The following PLD5 variants were observed in gnomAD, a reference collection of about 807,000 sequenced individuals.
PLD5 encodes phospholipase D family member 5.
Under a neutral mutation model 61.1 loss-of-function variants are expected in PLD5, and 36 were observed. The observed-to-expected ratio is 0.59, with a 90% CI of 0.45 to 0.78. The LOEUF (loss-of-function observed/expected upper bound fraction) is 0.78, where lower values mean the gene tolerates loss of function less well. PLD5 is among the 30% of genes least tolerant of loss of function. The pLI is 0.00. For missense variants in PLD5, 515 were observed against 644.4 expected (o/e 0.80, Z 2.17); for synonymous variants, 243 against 242.8 (o/e 1.00, Z -0.01).
chr1:242,320,290 A>ATC (rs1658304960), intron 2 of PLD5, among the ~76,000 whole-genome samples: 2 of 152,248 alleles, frequency 1.3e-5, no homozygotes, highest in South Asian at 2.1e-4. Flanking sequence ...TAGCTCAAAT[A>ATC]TCTACTTGTA....
At chr1:242,279,368 C>T (rs1167273772) in intron 3 of PLD5, among the ~76,000 whole-genome samples, 2 of 152,094 alleles carry the variant, frequency 1.3e-5, no homozygotes, top group African/African-American at 4.8e-5. Flanking sequence ...AGTATTGAAG[C>T]CTGGGCCCCT....
intron 1 of PLD5, among the ~76,000 whole-genome samples, chr1:242,521,133 C>G (rs917546039): frequency 6.6e-6 from 1 of 152,222 alleles, no homozygotes; most frequent in African/African-American, 2.4e-5. Flanking sequence ...CAAAACACGA[C>G]TTCCTCGCAG....
At chr1:242,376,771 G>A (rs111742899) in intron 1 of PLD5, among the ~76,000 whole-genome samples, 8,095 of 152,170 alleles carry the variant, frequency 0.053, 260 homozygotes, top group Admixed American at 0.095. Context: ...GGATATATAC[G>A]ACGAGGTGAA....
chr1:242,243,806 C>A (rs1672202682), intron 4 of PLD5, among the ~76,000 whole-genome samples: 1 of 152,170 alleles, frequency 6.6e-6, no homozygotes, highest in Non-Finnish European at 1.5e-5. Flanking sequence ...AGTGATTTAA[C>A]ACTATTCTGC....
chr1:242,493,116 G>A (rs1290686918), intron 1 of PLD5, among the ~76,000 whole-genome samples: 1 of 152,104 alleles, frequency 6.6e-6, no homozygotes, highest in Admixed American at 6.5e-5. Flanking sequence ...TACTCTAATA[G>A]TTTAGGATAT....
intron 4 of PLD5, among the ~76,000 whole-genome samples, chr1:242,242,004 T>C (rs370620661): frequency 5.3e-5 from 7 of 132,852 alleles, no homozygotes; most frequent in East Asian, 4.4e-4. Flanking sequence ...TATATATATA[T>C]ATATATAGAC....
chr1:242,323,263 G>A (rs929809769), intron 2 of PLD5, among the ~76,000 whole-genome samples: 2 of 152,132 alleles, frequency 1.3e-5, no homozygotes, highest in Non-Finnish European at 2.9e-5. Context: ...TATGAGCTTT[G>A]TGATTAATGG....
chr1:242,347,681 C>T (rs913069289), intron 2 of PLD5, among the ~76,000 whole-genome samples: 1 of 152,222 alleles, frequency 6.6e-6, no homozygotes, highest in African/African-American at 2.4e-5. Context: ...CATCGACACA[C>T]TTACTTCTTC....
chr1:242,376,820 G>A, intron 1 of PLD5: 1 of 1,210,698 alleles, frequency 8.3e-7, no homozygotes, highest in Non-Finnish European at 1.1e-6. Flanking sequence ...CAACAGCCTA[G>A]ACAGTACTGT....
chr1:242,216,005 C>T (rs1396289976), intron 5 of PLD5, among the ~76,000 whole-genome samples: 1 of 152,226 alleles, frequency 6.6e-6, no homozygotes, highest in Non-Finnish European at 1.5e-5. Flanking sequence ...CCGCTTCTAA[C>T]AACATGACTG....
chr1:242,198,701 C>CAAAAAAA (rs10603005), intron 5 of PLD5, among the ~76,000 whole-genome samples: 24 of 51,498 alleles, frequency 4.7e-4, no homozygotes, highest in Non-Finnish European at 6.8e-4. Flanking sequence ...AAGTCCTTAG[C>CAAAAAAA]AAAAAAAAAA....
At chr1:242,412,209 T>C (rs1407417752) in intron 1 of PLD5, among the ~76,000 whole-genome samples, 2 of 152,156 alleles carry the variant, frequency 1.3e-5, no homozygotes, top group Non-Finnish European at 2.9e-5. Flanking sequence ...GAAAGCCTTG[T>C]GGTGGTTAGT....
chr1:242,370,724 C>T (rs1661588642), intron 1 of PLD5, among the ~76,000 whole-genome samples: 2 of 152,132 alleles, frequency 1.3e-5, no homozygotes, highest in South Asian at 4.1e-4. Flanking sequence ...TAGGAAGAGT[C>T]AATACTTAAC....
At chr1:242,192,569 A>C (rs990870860) in intron 5 of PLD5, among the ~76,000 whole-genome samples, 2 of 152,148 alleles carry the variant, frequency 1.3e-5, no homozygotes, top group Non-Finnish European at 2.9e-5. Flanking sequence ...GGGAAAAAAA[A>C]CATTTTCCTC....
rs12077423 is a variant in PLD5, at chr1:242,352,155, G to A, written c.190-3913C>T. ...CTATGCAACAGATCTCAAAAAAGAA[G>A]CAGACTTATTCCTCCAATCTTAGGC... On this transcript the variant is annotated intron_variant, in intron 1 of 9. Coordinates refer to ENST00000536534, the MANE Select transcript of PLD5 (RefSeq NM_001372062.1). Among the ~76,000 whole-genome samples the A allele has an allele frequency of 9.9e-3, 1,513 of 152,222 alleles. 23 individuals carry two copies. Among genetic ancestry groups the A allele is most frequent in the African/African-American group, 0.034 (1,412 of 41,532 alleles).
chr1:242,413,954 G>A lies in PLD5; in HGVS notation c.190-65712C>T, dbSNP rs372649092. On this transcript the variant is annotated intron_variant, in intron 1 of 9. Transcript: ENST00000536534. The stretch of plus-strand genomic sequence containing the variant: ...GATTTTTGTCCTGCAGATAACAGGG[G>A]ATTAAACACAAGACAGGTCAGCTTA... Among the ~76,000 whole-genome samples the A allele has an allele frequency of 1.9e-4, 29 of 152,262 alleles. 1 individual carries two copies. The highest frequency in any genetic ancestry group is 6.7e-4 in the African/African-American group (28 of 41,546).
intron 5 of PLD5, among the ~76,000 whole-genome samples, chr1:242,159,961 C>T (rs915745279): frequency 2.6e-5 from 4 of 152,116 alleles, no homozygotes; most frequent in Admixed American, 1.3e-4. Context: ...GTAGACAACA[C>T]TTGCTTTTAG....
chr1:242,109,844 A>T (rs1661342816), intron 7 of PLD5, among the ~76,000 whole-genome samples: 1 of 151,862 alleles, frequency 6.6e-6, no homozygotes, highest in Non-Finnish European at 1.5e-5. Context: ...AATATTCTGC[A>T]CTCAGGAGGC....
intron 2 of PLD5, among the ~76,000 whole-genome samples, chr1:242,336,982 C>T (rs1226060035): frequency 3.3e-5 from 5 of 152,172 alleles, no homozygotes; most frequent in Admixed American, 1.3e-4. Flanking sequence ...AGTATGATCA[C>T]CATCATTCTA....
Sources: allele counts gnomAD v4.1 joint callset (sites outside exome capture counted in the v4.1 genomes callset), GRCh38; gene constraint gnomAD v4.1.1; transcripts MANE v1.5; gene names NCBI Gene and HGNC (gene_info 2026-07-23, HGNC 2026-07-21).